Variants in EXOC2 observed in about 807,000 individuals in gnomAD.
The protein encoded by EXOC2 is exocyst complex component 2.
EXOC2 carries 70 observed loss-of-function variants against 131.8 expected under a neutral mutation model. The observed-to-expected ratio is 0.53, with a 90% CI of 0.44 to 0.65. The LOEUF is 0.65. EXOC2 is among the 30% of genes least tolerant of loss of function. EXOC2 has a pLI of 0.00. For synonymous variants in EXOC2, 411 were observed against 398.4 expected, an observed-to-expected ratio of 1.03 and a Z score of -0.38; for missense variants, 923 against 1,108.6, an observed-to-expected ratio of 0.83 and a Z score of 2.38.
At chr6:487,382 C>T (rs1374928244) in intron 27 of EXOC2, among the ~76,000 whole-genome samples, 1 of 152,142 alleles carries the variant, frequency 6.6e-6, no homozygotes, top group Non-Finnish European at 1.5e-5. Flanking sequence ...AATCTGTTTC[C>T]CCAACTGATG....
At position 488,226 on chromosome 6, in the gene EXOC2, C is replaced by A. The variant is rs1032379494; in HGVS notation, c.2681+753G>T. On this transcript the variant is annotated intron_variant, in intron 27 of 27. Transcript: ENST00000230449. ...CCCCCCATGGCCCAGCCTATGTGAT[C>A]TCTCTGCCCTGCACTGAGTCTGCAC... Among the ~76,000 whole-genome samples, 6 of 152,336 alleles carry A rather than the reference C, an allele frequency of 3.9e-5. No homozygotes were observed. The East Asian group carries it at 5.8e-4, about 15-fold the overall frequency.
At chr6:656,526 C>CT in intron 1 of EXOC2, 1 of 1,604,540 alleles carries the variant, frequency 6.2e-7, no homozygotes. Context: ...CCGCCACACT[C>CT]TCCTGGGAAG....
At chr6:662,934 T>G (rs1763484288) in intron 1 of EXOC2, among the ~76,000 whole-genome samples, 1 of 150,866 alleles carries the variant, frequency 6.6e-6, no homozygotes. Context: ...GAGGCTGCAG[T>G]GAGCCGAGAT....
chr6:595,580 G>A (rs535547985), intron 10 of EXOC2, among the ~76,000 whole-genome samples: 13 of 152,070 alleles, frequency 8.5e-5, no homozygotes, highest in African/African-American at 2.2e-4. Flanking sequence ...CCTTTTAAAC[G>A]ATATCCAGTA....
At chr6:551,135 T>C (rs1427182460) in intron 21 of EXOC2, among the ~76,000 whole-genome samples, 1 of 152,214 alleles carries the variant, frequency 6.6e-6, no homozygotes, top group African/African-American at 2.4e-5. Context: ...GACGCACGTT[T>C]GAAAACAACG....
intron 7 of EXOC2, among the ~76,000 whole-genome samples, chr6:600,437 T>A (rs984105853): frequency 1.3e-5 from 2 of 152,180 alleles, no homozygotes; most frequent in East Asian, 3.8e-4. Context: ...TTTAAAGTAT[T>A]TATCACTTAA....
intron 4 of EXOC2, among the ~76,000 whole-genome samples, chr6:624,726 C>A (rs1287144105): frequency 6.6e-6 from 1 of 152,186 alleles, no homozygotes; most frequent in Non-Finnish European, 1.5e-5. Flanking sequence ...GAAAGGGGAG[C>A]TGCTTTCAAA....
intron 10 of EXOC2, among the ~76,000 whole-genome samples, chr6:597,767 G>C (rs1215044952): frequency 6.6e-6 from 1 of 152,176 alleles, no homozygotes; most frequent in Non-Finnish European, 1.5e-5. Flanking sequence ...AAGAGGTTGA[G>C]ACTACTTTTC....
At chr6:567,719 G>A (rs550733213) in intron 13 of EXOC2, among the ~76,000 whole-genome samples, 20 of 152,210 alleles carry the variant, frequency 1.3e-4, no homozygotes, top group South Asian at 2.1e-4. Flanking sequence ...TGTATATTAC[G>A]TGTGCATGCA....
intron 1 of EXOC2, among the ~76,000 whole-genome samples, chr6:675,363 G>C (rs1002920127): frequency 6.6e-6 from 1 of 152,210 alleles, no homozygotes; most frequent in East Asian, 1.9e-4. Flanking sequence ...CATGGTAATA[G>C]CATTGTTTTT....
intron 1 of EXOC2, among the ~76,000 whole-genome samples, chr6:665,375 A>G (rs1302467291): frequency 6.6e-6 from 1 of 152,214 alleles, no homozygotes; most frequent in African/African-American, 2.4e-5. Flanking sequence ...AACAGTGTGG[A>G]GATTCCTTAA....
intron 22 of EXOC2, 145 bp from the exon 23 acceptor site, chr6:532,755 T>A: frequency 1.3e-6 from 1 of 749,058 alleles, no homozygotes; most frequent in Non-Finnish European, 1.9e-6. Flanking sequence ...ATATTTTCAG[T>A]AACAAAGATC....
At chr6:535,026 A>G (rs1766355618) in intron 22 of EXOC2, among the ~76,000 whole-genome samples, 2 of 152,244 alleles carry the variant, frequency 1.3e-5, no homozygotes, top group Admixed American at 1.3e-4. Flanking sequence ...TTTAAAAGAA[A>G]AGTTTAAAAG....
intron 27 of EXOC2, among the ~76,000 whole-genome samples, chr6:487,747 T>C (rs1361591197): frequency 2.0e-5 from 3 of 152,160 alleles, no homozygotes; most frequent in Non-Finnish European, 4.4e-5. Flanking sequence ...CTTAGAGTTT[T>C]CCTGGTTTGG....
chr6:689,960 A>G lies in EXOC2; in HGVS notation c.-44+3059T>C, dbSNP rs143026911. 9.8e-5 allele frequency among the ~76,000 whole-genome samples: 15 copies of G among 152,350 alleles called. No homozygotes were observed. The South Asian group carries it at 1.7e-3, about 17-fold the overall frequency. On this transcript the variant is annotated intron_variant, in intron 1 of 27. Transcript: ENST00000230449. ...AAAAAGGAAACAGTCCAAAGCATCT[A>G]AGCAACTCAGCCAGTACTATGAAGC... is the stretch of plus-strand genomic sequence containing the variant.
At chr6:488,949 T>C in intron 27 of EXOC2, 30 bp downstream of exon 27, 1 of 1,604,530 alleles carries the variant, frequency 6.2e-7, no homozygotes, top group Non-Finnish European at 8.5e-7. Flanking sequence ...CACATTCAAC[T>C]GGCTCCTAAG....
At chr6:517,471 T>C (rs1765222819) in intron 23 of EXOC2, among the ~76,000 whole-genome samples, 2 of 152,234 alleles carry the variant, frequency 1.3e-5, no homozygotes, top group Non-Finnish European at 2.9e-5. Context: ...AACCAACTCA[T>C]TCTGAAAACT....
intron 11 of EXOC2, among the ~76,000 whole-genome samples, chr6:585,582 G>GA (rs1243698454): frequency 1.3e-5 from 2 of 152,194 alleles, no homozygotes; most frequent in Admixed American, 6.5e-5. Context: ...TGCTGTCTCT[G>GA]AAAATCTGTC....
At chr6:585,241 C>T (rs1759139987) in intron 11 of EXOC2, among the ~76,000 whole-genome samples, 1 of 152,112 alleles carries the variant, frequency 6.6e-6, no homozygotes, top group Non-Finnish European at 1.5e-5. Flanking sequence ...CTTAGTTTTG[C>T]TCTTGTTTTT....
Sources: gnomAD v4.1 joint callset for allele counts (sites outside exome capture counted in the v4.1 genomes callset) on GRCh38, gnomAD v4.1.1 for gene constraint, MANE v1.5 for transcripts, NCBI Gene and HGNC (gene_info 2026-07-23, HGNC 2026-07-21) for gene names.